SMG5: variants seen among roughly 807,000 people sequenced by gnomAD.
SMG5 encodes the protein SMG5 nonsense mediated mRNA decay factor.
SMG5 carries 53 observed loss-of-function variants against 122.9 expected under a neutral mutation model. The ratio of observed to expected loss-of-function variants is 0.43; its 90% confidence interval spans 0.35 to 0.54. SMG5 has a LOEUF of 0.54. Among genes scored for constraint, SMG5 ranks in the 20% least tolerant of loss-of-function variants. The pLI, the probability that SMG5 is intolerant of heterozygous loss-of-function variation, is 0.01. For synonymous variants in SMG5, 477 were observed against 490.2 expected (o/e 0.97, Z 0.35); for missense variants, 1,153 against 1,285.6 (o/e 0.90, Z 1.58).
intron 7 of SMG5, among the ~76,000 whole-genome samples, chr1:156,268,973 C>CT (rs59194923): frequency 0.025 from 3,531 of 144,032 alleles, 110 homozygotes; most frequent in African/African-American, 0.075. Flanking sequence ...CAATCCAACT[C>CT]TTTTTTTTTT....
At position 156,282,460 on chromosome 1, in the gene SMG5, G is replaced by A. The variant is rs1662997111; in HGVS notation, c.74+147C>T. The A allele has an allele frequency of 3.2e-5, 25 of 783,404 alleles. No individual in the cohort carries two copies. In the South Asian group the frequency reaches 3.7e-4, roughly 12 times the overall value. 48.5% of individuals were successfully genotyped at this position (783,404 alleles called of 1,614,324 possible). On this transcript the variant is annotated intron_variant, in intron 1 of 21. Coordinates refer to ENST00000361813, the MANE Select transcript of SMG5 (RefSeq NM_015327.3). ...TTTCAGTTCCATCCCGAGTTACTAC[G>A]GGACCCCGCCCCGCCTCCAAAATTG...
Position 156,265,821 on chromosome 1 carries a change from C to A in SMG5, c.1815G>T (p.Arg605Ser), listed in dbSNP as rs749022878. The A allele has an allele frequency of 1.9e-6, 3 of 1,614,052 alleles. No homozygotes were observed. Residue 605 changes from arginine (R) to serine (S), a missense_variant, in exon 12 of 22, where the codon AGG (arginine) becomes AGT (serine). Transcript: ENST00000361813. ...TTNPHTSASHRPCVNGDVDKP... is the reference protein window; with the variant it reads ...TTNPHTSASHSPCVNGDVDKP... Reference sequence around the variant, plus strand: ...TGTCTACATCCCCATTGACGCAAGGCCTGTGGCTGGCCGAGGTATGAGGGT... The same window carrying A: ...TGTCTACATCCCCATTGACGCAAGGACTGTGGCTGGCCGAGGTATGAGGGT...
chr1:156,255,562 T>C (rs1295070945), intron 16 of SMG5, among the ~76,000 whole-genome samples: 1 of 143,964 alleles, frequency 6.9e-6, no homozygotes, highest in Admixed American at 7.0e-5. Context: ...TAAATAAATA[T>C]ACAAAAATAA....
At chr1:156,253,354 C>T in intron 17 of SMG5, 95 bp downstream of exon 17, 1 of 1,285,676 alleles carries the variant, frequency 7.8e-7, no homozygotes, top group South Asian at 1.2e-5. Flanking sequence ...GGCAACAGAG[C>T]AGGGGGACTA....
upstream of SMG5, chr1:156,285,686 G>A (rs775224493): frequency 2.5e-6 from 4 of 1,613,612 alleles, no homozygotes; most frequent in South Asian, 2.2e-5. Flanking sequence ...GGCAGGCGAG[G>A]GCGAGTGCCG....
At chr1:156,258,954 C>T (rs1472856437) in intron 16 of SMG5, 51 bp downstream of exon 16, 1 of 1,606,526 alleles carries the variant, frequency 6.2e-7, no homozygotes. Context: ...CCTGGTTTCT[C>T]AGTGAGCCCA....
rs574447235 is a variant in SMG5, at chr1:156,276,219, C to T, written c.454+866G>A. On this transcript the variant is annotated intron_variant, in intron 4 of 21. Coordinates refer to ENST00000361813, the MANE Select transcript of SMG5 (RefSeq NM_015327.3). The stretch of plus-strand genomic sequence containing the variant: ...TTGGCTCACTGCAACCTCCACCTGC[C>T]GGGTTCAGGCGATTCTCTTGCCTCA... 1.3e-4 allele frequency among the ~76,000 whole-genome samples: 19 copies of T among 151,364 alleles called. No homozygotes were observed. The East Asian group carries it at 2.3e-3, about 19-fold the overall frequency.
At chr1:156,266,792 T>G (rs1662172884) in intron 10 of SMG5, 114 bp from the exon 11 acceptor site, 1 of 1,096,190 alleles carries the variant, frequency 9.1e-7, no homozygotes, top group Non-Finnish European at 1.3e-6. Context: ...CAACTACTTA[T>G]CAAAGATTCT....
intron 10 of SMG5, among the ~76,000 whole-genome samples, chr1:156,266,917 A>T (rs1461109360): frequency 2.6e-5 from 4 of 151,926 alleles, no homozygotes; most frequent in Admixed American, 6.6e-5. Flanking sequence ...CTGGGATTAC[A>T]GGCGTGAGGC....
Position 156,263,574 on chromosome 1 carries a change from G to C in SMG5, c.1856-4C>G, listed in dbSNP as rs190523452. 2.7e-4 allele frequency: 436 copies of C among 1,610,988 alleles called. 1 individual carries two copies. In the East Asian group the frequency reaches 9.6e-3, roughly 35 times the overall value. On this transcript the variant is annotated splice_polypyrimidine_tract_variant and splice_region_variant and intron_variant, in intron 12 of 21. Transcript: ENST00000361813. ...GACTCAGAGCCCTCCTCAGAGGCTGGGGGGTGGGTGAATGGAAGAGAAAAA... is the reference window on the plus strand; with the variant it reads ...GACTCAGAGCCCTCCTCAGAGGCTGCGGGGTGGGTGAATGGAAGAGAAAAA...
intron 4 of SMG5, 25 bp downstream of exon 4, chr1:156,277,060 A>G: frequency 3.7e-6 from 6 of 1,608,048 alleles, no homozygotes; most frequent in Non-Finnish European, 5.1e-6. Context: ...AACCTGCTCA[A>G]GTCCACCTTT....
At chr1:156,289,055 T>C in the SMG5 span, among the ~76,000 whole-genome samples, 1 of 152,218 alleles carries the variant, frequency 6.6e-6, no homozygotes, top group South Asian at 2.1e-4. Context: ...TCCTCTCTTA[T>C]CCAGGGTCCT....
intron 6 of SMG5, among the ~76,000 whole-genome samples, chr1:156,272,871 C>T (rs1019828695): frequency 6.6e-6 from 1 of 152,094 alleles, no homozygotes; most frequent in Non-Finnish European, 1.5e-5. Flanking sequence ...GGCCTACTGA[C>T]CTCTTCTTAT....
At chr1:156,273,772 C>A (rs1662555551) in intron 5 of SMG5, among the ~76,000 whole-genome samples, 1 of 134,342 alleles carries the variant, frequency 7.4e-6, no homozygotes, top group Admixed American at 8.5e-5. Context: ...CCAGGCTGGT[C>A]TCCAACTCCT....
Position 156,249,691 on chromosome 1 carries a change from GCC to G in SMG5, c.*894_*895del. 2.1e-6 allele frequency: 1 copy of G among 465,544 alleles called. No homozygotes were observed. Among genetic ancestry groups the G allele is most frequent in the Non-Finnish European group, 4.5e-6 (1 of 224,624 alleles). The allele number at this position is 465,544 out of a possible 1,614,324, so 28.8% of individuals were successfully genotyped here. ...CCTTTCTGCTGCCCACTGAATGCCG[GCC>G]CCTTGTCTTCAGCCCTCCCTTAGAT... On this transcript the variant is annotated 3_prime_UTR_variant, in exon 22 of 22. Transcript: ENST00000361813.
the SMG5 span, among the ~76,000 whole-genome samples, chr1:156,289,296 A>C: frequency 6.6e-6 from 1 of 151,990 alleles, no homozygotes; most frequent in African/African-American, 2.4e-5. Flanking sequence ...AACACGGTAA[A>C]ACCCCATCTC....
chr1:156,276,993 G>A, intron 4 of SMG5, 92 bp downstream of exon 4: 2 of 1,312,162 alleles, frequency 1.5e-6, no homozygotes, highest in Admixed American at 2.2e-5. Context: ...CTCTCTGCCT[G>A]GCTGGGTCGC....
chr1:156,287,870 A>C, the SMG5 span, among the ~76,000 whole-genome samples: 1 of 151,832 alleles, frequency 6.6e-6, no homozygotes, highest in Non-Finnish European at 1.5e-5. Flanking sequence ...TGCCCGCCTC[A>C]GCCTCCCAAA....
chr1:156,278,961 G>A lies in SMG5; in HGVS notation c.148C>T (p.Pro50Ser), dbSNP rs1662809846. ...TTGTTCCTCAGGCTAATGTTTTCTGGTTTGAATACTTCTTGATAAGCAGTT... is the reference window on the plus strand; with the variant it reads ...TTGTTCCTCAGGCTAATGTTTTCTGATTTGAATACTTCTTGATAAGCAGTT... ...NKTAYQEVFKPENISLRNKLR... is the reference protein window; with the variant it reads ...NKTAYQEVFKSENISLRNKLR... The change falls in exon 2 of 22, where the codon CCA (proline) becomes TCA (serine). Residue 50 changes from proline to serine, a missense_variant. This residue lies in a region of SMG5 where 213 missense variants were observed against 197.5 expected (regional missense o/e 1.08). Transcript: ENST00000361813. 3 of 1,613,990 alleles carry A rather than the reference G, an allele frequency of 1.9e-6. No homozygotes were observed. The highest frequency in any genetic ancestry group is 1.7e-5 in the Admixed American group (1 of 59,986).
Sources: allele counts gnomAD v4.1 joint callset (sites outside exome capture counted in the v4.1 genomes callset), GRCh38; gene constraint gnomAD v4.1.1; regional missense constraint gnomAD v4.1.1; transcripts MANE v1.5; gene names NCBI Gene and HGNC (gene_info 2026-07-23, HGNC 2026-07-21).